The following SNX14 variants were observed in gnomAD, a reference collection of about 807,000 sequenced individuals.
SNX14 encodes sorting nexin 14.
SNX14 carries 93 observed loss-of-function variants against 133.8 expected under a neutral mutation model. The ratio of observed to expected loss-of-function variants is 0.70; its 90% CI spans 0.59 to 0.83. The LOEUF (loss-of-function observed/expected upper bound fraction) is 0.83, where lower values mean the gene tolerates loss of function less well. SNX14 is among the 40% of genes least tolerant of loss of function. SNX14 has a pLI of 0.00. For synonymous variants in SNX14, 368 were observed against 365.6 expected (o/e 1.01, Z -0.07); for missense variants, 945 against 1,094.9 (o/e 0.86, Z 1.93).
intron 4 of SNX14, among the ~76,000 whole-genome samples, chr6:85,569,122 C>T (rs1794809780): frequency 6.6e-6 from 1 of 152,156 alleles, no homozygotes; most frequent in South Asian, 2.1e-4. Context: ...GCCACCACAA[C>T]CAGCTAATTT....
intron 17 of SNX14, among the ~76,000 whole-genome samples, chr6:85,535,865 C>T (rs577988011): frequency 1.3e-5 from 2 of 152,104 alleles, no homozygotes; most frequent in Admixed American, 6.5e-5. Context: ...CTAAACACCC[C>T]TTTTATACCC....
At chr6:85,565,560 G>A in intron 5 of SNX14, 141 bp from the exon 6 acceptor site, 4 of 588,864 alleles carry the variant, frequency 6.8e-6, no homozygotes, top group Admixed American at 3.5e-5. Flanking sequence ...TTTCATTGCA[G>A]AAAAAAAGAC....
chr6:85,562,230 C>T (rs1791891538), intron 6 of SNX14, among the ~76,000 whole-genome samples: 1 of 152,072 alleles, frequency 6.6e-6, no homozygotes, highest in Non-Finnish European at 1.5e-5. Context: ...TTTCTTTATC[C>T]AGTCCACTAC....
chr6:85,526,294 A>C, intron 20 of SNX14, 57 bp from the exon 21 acceptor site: 1 of 1,038,216 alleles, frequency 9.6e-7, no homozygotes, highest in Non-Finnish European at 1.4e-6. Context: ...GAGTAGTCAA[A>C]ACTGTATTTT....
At chr6:85,514,044 A>G in intron 25 of SNX14, 26 bp downstream of exon 25, 1 of 1,589,276 alleles carries the variant, frequency 6.3e-7, no homozygotes, top group Non-Finnish European at 8.5e-7. Flanking sequence ...ACAAAATATG[A>G]AACAAACACA....
chr6:85,569,468 A>T (rs960902508), intron 4 of SNX14, among the ~76,000 whole-genome samples: 2 of 152,184 alleles, frequency 1.3e-5, no homozygotes, highest in African/African-American at 4.8e-5. Context: ...TTTGAAGGGG[A>T]CCTGCTGGCA....
Position 85,530,287 on chromosome 6 carries a change from G to A in SNX14, c.1811-12C>T, listed in dbSNP as rs1214363089. 1.3e-6 allele frequency: 2 copies of A among 1,504,164 alleles called. No individual in the cohort carries two copies. Among genetic ancestry groups the A allele is most frequent in the Admixed American group, 1.8e-5 (1 of 55,650 alleles). The allele number at this position is 1,504,164 out of a possible 1,614,324, so 93.2% of individuals were successfully genotyped here. On this transcript the variant is annotated splice_polypyrimidine_tract_variant and intron_variant, in intron 18 of 28. Transcript: ENST00000314673. Reference sequence around the variant, plus strand: ...AGGCTCGTGTCCAACTGTAAATTGAGTACACACACACTGAGTAACAAATAA... The same window carrying A: ...AGGCTCGTGTCCAACTGTAAATTGAATACACACACACTGAGTAACAAATAA...
chr6:85,523,696 C>G (rs559131352), intron 21 of SNX14, among the ~76,000 whole-genome samples: 1 of 152,070 alleles, frequency 6.6e-6, no homozygotes, highest in East Asian at 1.9e-4. Flanking sequence ...GCCCAGAAGG[C>G]AGAAGTTGCA....
intron 21 of SNX14, among the ~76,000 whole-genome samples, chr6:85,524,947 T>G (rs1254960918): frequency 1.3e-5 from 2 of 152,216 alleles, no homozygotes; most frequent in African/African-American, 4.8e-5. Flanking sequence ...GTTATATTTC[T>G]ATTTTTTATA....
At chr6:85,526,328 C>T (rs1778470955) in intron 20 of SNX14, 91 bp from the exon 21 acceptor site, 1 of 760,224 alleles carries the variant, frequency 1.3e-6, no homozygotes, top group Non-Finnish European at 2.1e-6. Context: ...TTTAAATCCC[C>T]AAAAGCTACT....
intron 1 of SNX14, among the ~76,000 whole-genome samples, chr6:85,585,153 C>T (rs1800319528): frequency 6.6e-6 from 1 of 152,068 alleles, no homozygotes; most frequent in Non-Finnish European, 1.5e-5. Flanking sequence ...CCAAACACTG[C>T]ATGTTCTTAC....
Position 85,559,018 on chromosome 6 carries a change from A to T in SNX14, c.550-958T>A, listed in dbSNP as rs910349785. On this transcript the variant is annotated intron_variant, in intron 6 of 28. Transcript: ENST00000314673. ...GACTTCAACAGGCCCGTCTTCCACC[A>T]TAAAACTTAATATATTATATATTTC... 6.6e-5 allele frequency among the ~76,000 whole-genome samples: 10 copies of T among 152,226 alleles called. 1 individual carries two copies. The East Asian group carries it at 1.9e-3, about 29-fold the overall frequency.
At position 85,525,039 on chromosome 6, in the gene SNX14, G is replaced by T. The variant is rs1425446336; in HGVS notation, c.2107+1087C>A. Among the ~76,000 whole-genome samples the T allele has an allele frequency of 2.6e-5, 4 of 152,156 alleles. No individual in the cohort carries two copies. The South Asian group carries it at 8.3e-4, about 32-fold the overall frequency. The stretch of plus-strand genomic sequence containing the variant: ...TTTCTGCTGAACTTGTTGCTATTTA[G>T]ACAAACTATAATAAATAATTCATCC... On this transcript the variant is annotated intron_variant, in intron 21 of 28. Transcript: ENST00000314673.
chr6:85,567,601 A>G, intron 4 of SNX14, 24 bp from the exon 5 acceptor site: 1 of 1,454,436 alleles, frequency 6.9e-7, no homozygotes, highest in Non-Finnish European at 9.2e-7. Flanking sequence ...TATTTTTTAA[A>G]GAAAAATAAA....
intron 14 of SNX14, 144 bp downstream of exon 14, chr6:85,543,038 G>A (rs1784303662): frequency 1.3e-6 from 1 of 793,522 alleles, no homozygotes; most frequent in Non-Finnish European, 1.8e-6. Flanking sequence ...AAAGTGCTGG[G>A]ATTATAGGCG....
intron 26 of SNX14, among the ~76,000 whole-genome samples, chr6:85,508,933 G>A (rs900900008): frequency 1.3e-5 from 2 of 152,136 alleles, no homozygotes; most frequent in African/African-American, 2.4e-5. Flanking sequence ...AATGCTAGGA[G>A]ACAAAGCCAA....
At chr6:85,592,284 C>T (rs989164320) in intron 1 of SNX14, among the ~76,000 whole-genome samples, 2 of 152,166 alleles carry the variant, frequency 1.3e-5, no homozygotes, top group Non-Finnish European at 2.9e-5. Context: ...GGGAAGAAAT[C>T]TAACTTCAAC....
intron 22 of SNX14, 48 bp from the exon 23 acceptor site, chr6:85,517,923 T>A (rs1775605456): frequency 1.3e-6 from 2 of 1,578,412 alleles, no homozygotes; most frequent in African/African-American, 2.7e-5. Context: ...AGGTAATTTT[T>A]AGTACATAAT....
chr6:85,512,884 T>C (rs76230845), intron 26 of SNX14, among the ~76,000 whole-genome samples: 2,196 of 152,246 alleles, frequency 0.014, 49 homozygotes, highest in African/African-American at 0.051. Context: ...TTAGTTTTTT[T>C]AGTTCATTCA....
Sources: gnomAD v4.1 joint callset for allele counts (sites outside exome capture counted in the v4.1 genomes callset) on GRCh38, gnomAD v4.1.1 for gene constraint, MANE v1.5 for transcripts, NCBI Gene and HGNC (gene_info 2026-07-23, HGNC 2026-07-21) for gene names.